The following TSC22D1 variants were observed in gnomAD, a reference collection of about 807,000 sequenced individuals.
TSC22D1 encodes TSC22 domain family member 1.
A neutral mutation model predicts 74.2 loss-of-function variants in TSC22D1; 9 were observed. The observed-to-expected ratio is 0.12, with a 90% CI of 0.07 to 0.21. The LOEUF (loss-of-function observed/expected upper bound fraction) is 0.21, where lower values mean the gene tolerates loss of function less well. Among genes scored for constraint, TSC22D1 ranks in the 10% least tolerant of loss-of-function variants. The pLI is 1.00. For missense variants in TSC22D1, 1,427 were observed against 1,304.7 expected, an observed-to-expected ratio of 1.09 and a Z score of -1.44; for synonymous variants, 586 against 492.5, an observed-to-expected ratio of 1.19 and a Z score of -2.51.
In TSC22D1 at chr13:44,537,781, A is replaced by T. The variant is rs903038642; in HGVS notation, c.2912+35382T>A. The T allele has an allele frequency of 1.1e-5, 11 of 981,122 alleles. No individual in the cohort carries two copies. The Admixed American group carries it at 3.7e-4, about 33-fold the overall frequency. 60.8% of individuals were successfully genotyped at this position (981,122 alleles called of 1,614,324 possible). On this transcript the variant is annotated intron_variant, in intron 1 of 2. Coordinates refer to ENST00000458659, the MANE Select transcript of TSC22D1 (RefSeq NM_183422.4). Reference sequence around the variant, plus strand: ...CTTAACAAAAATTTATTTATAATTAATGAGAAAAAAATACAGATAGCCAAG... The same window carrying T: ...CTTAACAAAAATTTATTTATAATTATTGAGAAAAAAATACAGATAGCCAAG...
At chr13:44,509,651 A>T (rs982796491) in intron 1 of TSC22D1, among the ~76,000 whole-genome samples, 1 of 152,100 alleles carries the variant, frequency 6.6e-6, no homozygotes. Flanking sequence ...TATTTTATAC[A>T]CTTAAAAATG....
In TSC22D1 at chr13:44,549,740, C is replaced by G. The variant is rs1389073911; in HGVS notation, c.2912+23423G>C. On this transcript the variant is annotated intron_variant, in intron 1 of 2. Transcript: ENST00000458659. The stretch of plus-strand genomic sequence containing the variant: ...TGAGATCACACCATTGCATTCCAGC[C>G]TGGGGAACAGGGCCAAACCCTGCCT... 2.0e-5 allele frequency among the ~76,000 whole-genome samples: 3 copies of G among 147,616 alleles called. 1 individual carries two copies. The Admixed American group carries it at 2.1e-4, about 10-fold the overall frequency.
At chr13:44,546,627 T>C (rs1280485144) in intron 1 of TSC22D1, among the ~76,000 whole-genome samples, 2 of 152,078 alleles carry the variant, frequency 1.3e-5, no homozygotes, top group African/African-American at 4.8e-5. Flanking sequence ...GTAGACAAGG[T>C]CAAAATTCAA....
At chr13:44,526,825 C>T (rs1180175138) in intron 1 of TSC22D1, among the ~76,000 whole-genome samples, 2 of 150,910 alleles carry the variant, frequency 1.3e-5, no homozygotes, top group Non-Finnish European at 2.9e-5. Context: ...CACCAAATCA[C>T]AGAGGCAGAA....
rs548112952 is a variant in TSC22D1, at chr13:44,568,768, G to A, written c.2912+4395C>T. 1.8e-3 allele frequency among the ~76,000 whole-genome samples: 268 copies of A among 152,320 alleles called. 1 individual carries two copies. Among genetic ancestry groups the A allele is most frequent in the Non-Finnish European group, 3.4e-3 (228 of 68,022 alleles). ...AGCCCAAAACATACAAAAATGGGAAGAGGGTGGGGAAAGGAGGGGCAACTT... is the reference window on the plus strand; with the variant it reads ...AGCCCAAAACATACAAAAATGGGAAAAGGGTGGGGAAAGGAGGGGCAACTT... On this transcript the variant is annotated intron_variant, in intron 1 of 2. Transcript: ENST00000458659.
rs746768668 is a variant in TSC22D1, at chr13:44,575,675, C to G, written c.400G>C (p.Asp134His). The part of the protein sequence containing the change: ...SISSNNSIAE[D>H]TESYDDLDES... ...TCCAGATCATCATAGCTCTCAGTGT[C>G]CTCTGCTATACTGTTGTTAGAGCTG... The change falls in exon 1 of 3, where the codon GAC (aspartate) becomes CAC (histidine). Residue 134 changes from aspartate to histidine, a missense_variant. Asp to His is a moderately conservative substitution (Grantham distance 81). Coordinates refer to ENST00000458659, the MANE Select transcript of TSC22D1 (RefSeq NM_183422.4). 6.2e-7 allele frequency: 1 copy of G among 1,614,240 alleles called. No individual in the cohort carries two copies. The highest frequency in any genetic ancestry group is 8.5e-7 in the Non-Finnish European group (1 of 1,180,046).
At chr13:44,514,093 T>C (rs1287282750) in intron 1 of TSC22D1, among the ~76,000 whole-genome samples, 1 of 152,180 alleles carries the variant, frequency 6.6e-6, no homozygotes, top group Non-Finnish European at 1.5e-5. Context: ...TTGAAGGACA[T>C]TCCAATTAAA....
intron 1 of TSC22D1, among the ~76,000 whole-genome samples, chr13:44,547,182 G>A (rs1446668416): frequency 6.6e-6 from 1 of 152,068 alleles, no homozygotes; most frequent in Non-Finnish European, 1.5e-5. Context: ...AATATCCACT[G>A]AGAAATTAAG....
chr13:44,470,423 G>A (rs1285782464), intron 1 of TSC22D1, among the ~76,000 whole-genome samples: 2 of 152,082 alleles, frequency 1.3e-5, no homozygotes, highest in Admixed American at 6.6e-5. Flanking sequence ...AAATAGATTC[G>A]CGTCTGGCCA....
intron 1 of TSC22D1, among the ~76,000 whole-genome samples, chr13:44,558,105 C>T (rs989043321): frequency 6.6e-6 from 1 of 152,124 alleles, no homozygotes; most frequent in Non-Finnish European, 1.5e-5. Context: ...TGTCAAATGC[C>T]TCTATACTCA....
chr13:44,489,504 TA>T (rs200792613), intron 1 of TSC22D1, among the ~76,000 whole-genome samples: 28 of 145,286 alleles, frequency 1.9e-4, no homozygotes, highest in African/African-American at 3.8e-4. Context: ...AAATCAATAA[TA>T]AAAAAAAAAG....
At chr13:44,446,817 G>GGAGGAGGAAGAC (rs1198064015) in intron 1 of TSC22D1, among the ~76,000 whole-genome samples, 5 of 133,548 alleles carry the variant, frequency 3.7e-5, no homozygotes, top group Admixed American at 7.8e-5. Flanking sequence ...AGGAGGAAGA[G>GGAGGAGGAAGAC]GAGGAGGAAG....
At position 44,433,561 on chromosome 13, in the gene TSC22D1, G is replaced by T. The variant is rs11692; in HGVS notation, c.*1065C>A. ...TATGCTTTATTGAAAGTTGACAAGTGCAACAGTTAAATACAGTGACACCTT... is the reference window on the plus strand; with the variant it reads ...TATGCTTTATTGAAAGTTGACAAGTTCAACAGTTAAATACAGTGACACCTT... On this transcript the variant is annotated 3_prime_UTR_variant, in exon 3 of 3. Transcript: ENST00000458659. 1 of 157,436 alleles carries T rather than the reference G, an allele frequency of 6.4e-6. No individual in the cohort carries two copies. Among genetic ancestry groups the T allele is most frequent in the Non-Finnish European group, 1.4e-5 (1 of 71,868 alleles). The allele number at this position is 157,436 out of a possible 1,614,324, so 9.8% of individuals were successfully genotyped here. A position where few individuals can be genotyped will look rare whatever the true frequency, so the allele number is the denominator to read the frequency against.
intron 1 of TSC22D1, among the ~76,000 whole-genome samples, chr13:44,509,214 G>A (rs1306144026): frequency 1.3e-5 from 2 of 152,130 alleles, no homozygotes; most frequent in Admixed American, 1.3e-4. Flanking sequence ...CAATGCTACA[G>A]TCAATACCAG....
At chr13:44,485,731 A>G (rs546631631) in intron 1 of TSC22D1, among the ~76,000 whole-genome samples, 1 of 152,274 alleles carries the variant, frequency 6.6e-6, no homozygotes, top group African/African-American at 2.4e-5. Flanking sequence ...GTTACAAGAA[A>G]GAACAGTAGG....
intron 1 of TSC22D1, among the ~76,000 whole-genome samples, chr13:44,437,646 G>A (rs2138856856): frequency 6.6e-6 from 1 of 152,248 alleles, no homozygotes; most frequent in South Asian, 2.1e-4. Flanking sequence ...ACCCAAAAAA[G>A]TCAATCCACA....
In TSC22D1 at chr13:44,575,445, C is replaced by T. The variant is rs1566189068; in HGVS notation, c.630G>A (p.Val210=). ...GGTGTGGATGAGCATTCCCATTGAT[C>T]ACAACATTCTGTTGTGGAAGGTGAG... ...HLPHLPQQNV[V]INGNAHPHHL... is the part of the protein sequence containing the mutation. Residue 210 remains valine (V), a synonymous_variant, in exon 1 of 3, where the codon GTG becomes GTA. Coordinates refer to ENST00000458659, the MANE Select transcript of TSC22D1 (RefSeq NM_183422.4). 6.2e-7 allele frequency: 1 copy of T among 1,614,014 alleles called. No homozygotes were observed. Among genetic ancestry groups the T allele is most frequent in the Non-Finnish European group, 8.5e-7 (1 of 1,179,986 alleles).
At chr13:44,487,519 A>G (rs907494121) in intron 1 of TSC22D1, among the ~76,000 whole-genome samples, 4 of 149,028 alleles carry the variant, frequency 2.7e-5, no homozygotes, top group African/African-American at 7.3e-5. Flanking sequence ...AAAAAAAAAA[A>G]AAAAAAAAGA....
intron 1 of TSC22D1, among the ~76,000 whole-genome samples, chr13:44,530,550 T>C (rs1880778289): frequency 1.3e-5 from 2 of 151,802 alleles, no homozygotes; most frequent in Non-Finnish European, 2.9e-5. Context: ...AAAATTTCTT[T>C]GCAAAAGACA....
Sources: gnomAD v4.1 joint callset for allele counts (sites outside exome capture counted in the v4.1 genomes callset) on GRCh38, gnomAD v4.1.1 for gene constraint, MANE v1.5 for transcripts, NCBI Gene and HGNC (gene_info 2026-07-23, HGNC 2026-07-21) for gene names.